SMIM36: variants seen among roughly 807,000 people sequenced by gnomAD.
The protein encoded by SMIM36 is small integral membrane protein 36.
At chr17:55,480,772 C>G (rs1360991937) in intron 1 of SMIM36, among the ~76,000 whole-genome samples, 2 of 152,208 alleles carry the variant, frequency 1.3e-5, no homozygotes, top group Non-Finnish European at 2.9e-5. Flanking sequence ...GCTGCTGTCT[C>G]TCAGAGACAA....
At chr17:55,483,498 T>G (rs1909553597) in intron 1 of SMIM36, among the ~76,000 whole-genome samples, 1 of 152,162 alleles carries the variant, frequency 6.6e-6, no homozygotes, top group South Asian at 2.1e-4. Flanking sequence ...ATCATGTGGG[T>G]GGGCCTCCTC....
intron 3 of SMIM36, among the ~76,000 whole-genome samples, chr17:55,471,933 T>C (rs1567864743): frequency 6.6e-6 from 1 of 152,202 alleles, no homozygotes; most frequent in Non-Finnish European, 1.5e-5. Flanking sequence ...TTACCCTCTA[T>C]AGTTCTCACA....
intron 1 of SMIM36, among the ~76,000 whole-genome samples, chr17:55,492,246 T>TC (rs1468366866): frequency 2.5e-5 from 3 of 119,186 alleles, no homozygotes; most frequent in Non-Finnish European, 3.4e-5. Context: ...TTCTTTCTTT[T>TC]TTTTTTTTTT....
chr17:55,472,092 C>A (rs746423144), intron 3 of SMIM36, among the ~76,000 whole-genome samples: 1 of 152,228 alleles, frequency 6.6e-6, no homozygotes, highest in Admixed American at 6.5e-5. Context: ...TAGCACCCAA[C>A]GCAACTGAAC....
At chr17:55,494,954 T>A (rs1002064454) in intron 1 of SMIM36, among the ~76,000 whole-genome samples, 5 of 152,162 alleles carry the variant, frequency 3.3e-5, no homozygotes, top group African/African-American at 1.2e-4. Context: ...TGACATTACC[T>A]CTCAGGGTTA....
intron 1 of SMIM36, among the ~76,000 whole-genome samples, chr17:55,485,371 C>T (rs1443076720): frequency 6.6e-6 from 1 of 152,106 alleles, no homozygotes; most frequent in Non-Finnish European, 1.5e-5. Context: ...TTACTGCAGC[C>T]TCAACCTTCC....
In SMIM36 at chr17:55,495,513, G is replaced by C. The variant is rs140380015; in HGVS notation, c.*174+15366C>G. Among the ~76,000 whole-genome samples the C allele has an allele frequency of 9.2e-5, 14 of 152,262 alleles. 1 individual carries two copies. The East Asian group carries it at 2.7e-3, about 29-fold the overall frequency. On this transcript the variant is annotated intron_variant, in intron 1 of 4. Transcript: ENST00000636752. Reference sequence around the variant, plus strand: ...TATTTATAAAACCAATAATAGACTGGGCGTGGTGGCTCATGCCTGTAATCC... The same window carrying C: ...TATTTATAAAACCAATAATAGACTGCGCGTGGTGGCTCATGCCTGTAATCC...
intron 1 of SMIM36, among the ~76,000 whole-genome samples, chr17:55,501,333 A>ATATAAATT (rs1491278758): frequency 1.8e-5 from 1 of 54,148 alleles, no homozygotes; most frequent in Non-Finnish European, 3.5e-5. Context: ...TATAATATAT[A>ATATAAATT]ATATATTATA....
chr17:55,516,207 T>C (rs1291290432), upstream of SMIM36, among the ~76,000 whole-genome samples: 1 of 152,132 alleles, frequency 6.6e-6, no homozygotes, highest in Non-Finnish European at 1.5e-5. Context: ...ACAATGTAGC[T>C]AGGGATAATA....
intron 4 of SMIM36, among the ~76,000 whole-genome samples, chr17:55,465,427 G>A (rs1909218557): frequency 6.6e-6 from 1 of 152,182 alleles, no homozygotes; most frequent in Non-Finnish European, 1.5e-5. Context: ...AGGAATTAGA[G>A]TGGTTTAGCC....
At chr17:55,461,732 T>A (rs1035367602) in intron 4 of SMIM36, among the ~76,000 whole-genome samples, 3 of 152,368 alleles carry the variant, frequency 2.0e-5, no homozygotes, top group Middle Eastern at 3.4e-3. Context: ...TAATTCATTT[T>A]TATGATCTTC....
intron 4 of SMIM36, among the ~76,000 whole-genome samples, chr17:55,454,598 C>T (rs1030359788): frequency 6.6e-6 from 1 of 152,100 alleles, no homozygotes; most frequent in Non-Finnish European, 1.5e-5. Flanking sequence ...AGTCTATATA[C>T]ATGTATTTAC....
chr17:55,468,030 T>A (rs2143252660), intron 3 of SMIM36: 1 of 152,304 alleles, frequency 6.6e-6, no homozygotes, highest in South Asian at 2.1e-4. Flanking sequence ...TTGACTGTAA[T>A]TTTTCACTAC....
the SMIM36 span, among the ~76,000 whole-genome samples, chr17:55,525,877 C>T: frequency 2.0e-5 from 3 of 151,944 alleles, no homozygotes; most frequent in Admixed American, 6.6e-5. Context: ...AGACTGGTCT[C>T]GAACTTTTGT....
At chr17:55,471,622 C>G (rs535900022) in intron 3 of SMIM36, among the ~76,000 whole-genome samples, 1 of 152,344 alleles carries the variant, frequency 6.6e-6, no homozygotes, top group Non-Finnish European at 1.5e-5. Context: ...CAAAGGGTAA[C>G]TTAAATGATC....
the SMIM36 span, among the ~76,000 whole-genome samples, chr17:55,522,988 TA>T: frequency 1.3e-5 from 2 of 152,144 alleles, no homozygotes; most frequent in East Asian, 1.9e-4. Context: ...ATAATGGTGA[TA>T]AAAAAAGATC....
exon 5 of SMIM36, chr17:55,449,959 T>A (rs373295698): frequency 2.6e-5 from 4 of 152,216 alleles, no homozygotes; most frequent in Non-Finnish European, 5.9e-5. Context: ...CATGTCCTTA[T>A]CTCCAGAAAC....
exon 1 of SMIM36, chr17:55,511,141 G>T: frequency 2.5e-6 from 1 of 398,622 alleles, no homozygotes; most frequent in South Asian, 1.3e-4. Flanking sequence ...AGCGACACTT[G>T]GGTGCATCAC....
chr17:55,520,717 T>A, the SMIM36 span, among the ~76,000 whole-genome samples: 1 of 152,194 alleles, frequency 6.6e-6, no homozygotes, highest in Non-Finnish European at 1.5e-5. Context: ...ATTTCTGGAA[T>A]TTTTCACTTA....
Sources: allele counts gnomAD v4.1 joint callset (sites outside exome capture counted in the v4.1 genomes callset), GRCh38; gene constraint gnomAD v4.1.1; transcripts MANE v1.5; gene names NCBI Gene and HGNC (gene_info 2026-07-23, HGNC 2026-07-21).